The following VAMP3 variants were observed in gnomAD, a reference collection of about 807,000 sequenced individuals.
VAMP3 encodes vesicle-associated membrane protein 3.
Under a neutral mutation model 18.1 loss-of-function variants are expected in VAMP3, and 11 were observed. The observed-to-expected ratio is 0.61, with a 90% CI of 0.38 to 1.00. The LOEUF (loss-of-function observed/expected upper bound fraction) is 1.00, where lower values mean the gene tolerates loss of function less well. Among genes scored for constraint, VAMP3 ranks in the 50% least tolerant of loss-of-function variants. VAMP3 has a pLI of 0.01. For synonymous variants in VAMP3, 49 were observed against 43.1 expected (o/e 1.14, Z -0.53); for missense variants, 122 against 127.3 (o/e 0.96, Z 0.20).
intron 1 of VAMP3, among the ~76,000 whole-genome samples, chr1:7,771,667 C>T (rs1430256441): frequency 1.3e-5 from 2 of 152,250 alleles, no homozygotes; most frequent in African/African-American, 4.8e-5. Flanking sequence ...CTCCTCGCCC[C>T]TTCCCTTTCT....
At chr1:7,777,496 A>G (rs914099881) in intron 3 of VAMP3, among the ~76,000 whole-genome samples, 178 bp downstream of exon 3, 54 of 152,158 alleles carry the variant, frequency 3.5e-4, no homozygotes, top group African/African-American at 1.3e-3. Flanking sequence ...CTAGCCCCAC[A>G]CTAGGAATCC....
Position 7,779,828 on chromosome 1 carries a change from C to A in VAMP3, c.*183C>A. The A allele has an allele frequency of 1.4e-6, 1 of 722,592 alleles. No individual in the cohort carries two copies. The highest frequency in any genetic ancestry group is 2.2e-6 in the Non-Finnish European group (1 of 445,910). 44.8% of individuals were successfully genotyped at this position (722,592 alleles called of 1,614,324 possible). On this transcript the variant is annotated 3_prime_UTR_variant, in exon 5 of 5. Coordinates refer to ENST00000054666, the MANE Select transcript of VAMP3 (RefSeq NM_004781.4). Reference sequence around the variant, plus strand: ...ATGCACTCCAAATTAGAAGGCCGGCCCCGTCCACATTTTGCACAGTGCCTT... The same window carrying A: ...ATGCACTCCAAATTAGAAGGCCGGCACCGTCCACATTTTGCACAGTGCCTT...
chr1:7,771,327 A>G lies in VAMP3; in HGVS notation c.-57A>G, dbSNP rs994992408. ...CCCATCTCCCTGGCCTCCGGTCCCA[A>G]CTTCGCTTCTCTGCTGACCCTCTCT... On this transcript the variant is annotated 5_prime_UTR_variant, in exon 1 of 5. Transcript: ENST00000054666. 3 of 1,591,882 alleles carry G rather than the reference A, an allele frequency of 1.9e-6. No homozygotes were observed. The highest frequency in any genetic ancestry group is 2.6e-6 in the Non-Finnish European group (3 of 1,171,876).
At position 7,781,364 on chromosome 1, in the gene VAMP3, C is replaced by G. The variant is rs1028548658; in HGVS notation, c.*1719C>G. ...CCTGCATTAACCCAGAAATACCTCGCTTCTATCTGTGCACTTAGCTGGGAA... is the reference window on the plus strand; with the variant it reads ...CCTGCATTAACCCAGAAATACCTCGGTTCTATCTGTGCACTTAGCTGGGAA... On this transcript the variant is annotated 3_prime_UTR_variant, in exon 5 of 5. Transcript: ENST00000054666. The G allele has an allele frequency of 6.5e-6, 1 of 152,722 alleles. No individual in the cohort carries two copies. The highest frequency in any genetic ancestry group is 1.5e-5 in the Non-Finnish European group (1 of 68,124). 9.5% of individuals were successfully genotyped at this position (152,722 alleles called of 1,614,324 possible). A position where few individuals can be genotyped will look rare whatever the true frequency, so the allele number is the denominator to read the frequency against.
intron 1 of VAMP3, among the ~76,000 whole-genome samples, chr1:7,772,550 C>G (rs1041079380): frequency 6.6e-6 from 1 of 152,204 alleles, no homozygotes; most frequent in African/African-American, 2.4e-5. Flanking sequence ...TAAGAAAGAT[C>G]TGCATGGGGA....
Position 7,777,303 on chromosome 1 carries a change from G to C in VAMP3, c.216G>C (p.Trp72Cys). ...TSAAKLKRKY[W>C]WKNCKMWAIG... is the part of the protein sequence containing the mutation. ...CAGCCAAGTTGAAGAGGAAATATTGGTGGAAGAATTGCAAGGTAATTATCT... is the reference window on the plus strand; with the variant it reads ...CAGCCAAGTTGAAGAGGAAATATTGCTGGAAGAATTGCAAGGTAATTATCT... Residue 72 changes from tryptophan (W) to cysteine (C), a missense_variant, in exon 3 of 5, where the codon TGG becomes TGC. Transcript: ENST00000054666. 5.0e-6 allele frequency: 8 copies of C among 1,611,916 alleles called. No homozygotes were observed. Among genetic ancestry groups the C allele is most frequent in the Non-Finnish European group, 6.8e-6 (8 of 1,179,004 alleles).
At chr1:7,771,459 CCA>C (rs2097050577) in intron 1 of VAMP3, 74 bp downstream of exon 1, 1 of 1,423,130 alleles carries the variant, frequency 7.0e-7, no homozygotes, top group African/African-American at 1.5e-5. Flanking sequence ...GCCATACTGC[CCA>C]GTTGCCGCCG....
In VAMP3 at chr1:7,780,766, C is replaced by A. The variant is rs1577567460; in HGVS notation, c.*1121C>A. ...ACATTCTGCTTCCTAAATCAGTTTT[C>A]TAAATTATGCCTGCAATTAGGCATT... On this transcript the variant is annotated 3_prime_UTR_variant, in exon 5 of 5. Transcript: ENST00000054666. 7 of 152,360 alleles carry A rather than the reference C, an allele frequency of 4.6e-5. No homozygotes were observed. The allele number at this position is 152,360 out of a possible 1,614,324, so 9.4% of individuals were successfully genotyped here. A position where few individuals can be genotyped will look rare whatever the true frequency, so the allele number is the denominator to read the frequency against.
At chr1:7,777,086 C>T (rs758529051) in intron 2 of VAMP3, 74 bp from the exon 3 acceptor site, 68 of 1,510,772 alleles carry the variant, frequency 4.5e-5, no homozygotes, top group Non-Finnish European at 5.8e-5. Flanking sequence ...GCTAGGATTA[C>T]AGGCGTGAGC....
chr1:7,779,087 G>C (rs1340778106), intron 4 of VAMP3, among the ~76,000 whole-genome samples: 1 of 151,986 alleles, frequency 6.6e-6, no homozygotes, highest in African/African-American at 2.4e-5. Flanking sequence ...CCCAGCTACT[G>C]GGGAGGCTGA....
intron 2 of VAMP3, 171 bp from the exon 3 acceptor site, chr1:7,776,989 A>T: frequency 1.8e-6 from 1 of 548,168 alleles, no homozygotes; most frequent in African/African-American, 1.9e-5. Flanking sequence ...TTATGTTTTT[A>T]GTACTGAGAC....
At chr1:7,771,744 G>C (rs375837054) in intron 1 of VAMP3, among the ~76,000 whole-genome samples, 4 of 152,240 alleles carry the variant, frequency 2.6e-5, no homozygotes, top group Non-Finnish European at 4.4e-5. Flanking sequence ...CTCTCGGCCC[G>C]GTGCTGCGCT....
At chr1:7,775,328 CATTTTTTTT>C (rs933342743) in intron 2 of VAMP3, among the ~76,000 whole-genome samples, 7 of 151,830 alleles carry the variant, frequency 4.6e-5, no homozygotes, top group East Asian at 1.9e-4. Context: ...TTGTCTTTTA[CATTTTTTTT>C]ATTTTTTTTA....
intron 3 of VAMP3, 47 bp downstream of exon 3, chr1:7,777,365 T>C (rs1481693581): frequency 6.4e-7 from 1 of 1,571,008 alleles, no homozygotes. Context: ...CCTTCTCCAT[T>C]CTCAGAGAAT....
intron 4 of VAMP3, among the ~76,000 whole-genome samples, 187 bp downstream of exon 4, chr1:7,778,356 T>C (rs2097055362): frequency 6.6e-6 from 1 of 152,058 alleles, no homozygotes; most frequent in African/African-American, 2.4e-5. Context: ...CTGGGCAACA[T>C]AGCGTCTCTA....
chr1:7,773,206 C>A, intron 1 of VAMP3: 2 of 508,974 alleles, frequency 3.9e-6, no homozygotes, highest in South Asian at 2.7e-5. Flanking sequence ...AAAGTAGGTC[C>A]TATTAAAGCT....
At chr1:7,775,560 G>A (rs755561071) in intron 2 of VAMP3, among the ~76,000 whole-genome samples, 4 of 152,122 alleles carry the variant, frequency 2.6e-5, no homozygotes, top group Non-Finnish European at 5.9e-5. Context: ...TTTTGGTCAG[G>A]CTGGTCTCAA....
rs57351330 is a variant in VAMP3 at position 7,778,138 on chromosome 1, T to A, written c.252T>A (p.Thr84=). Residue 84 remains threonine, a synonymous_variant, in exon 4 of 5, where the codon ACT becomes ACA. Transcript: ENST00000054666. ...TACAGATGTGGGCAATCGGGATTAC[T>A]GTTCTGGTTATCTTCATCATCATCA... ...KNCKMWAIGI[T]VLVIFIIIII... is the part of the protein sequence containing the mutation. The A allele has an allele frequency of 6.2e-7, 1 of 1,614,246 alleles. No homozygotes were observed. The highest frequency in any genetic ancestry group is 2.2e-5 in the East Asian group (1 of 44,890).
Position 7,780,605 on chromosome 1 carries a change from G to C in VAMP3, c.*960G>C, listed in dbSNP as rs2097056624. 1 of 152,344 alleles carries C rather than the reference G, an allele frequency of 6.6e-6. No individual in the cohort carries two copies. The highest frequency in any genetic ancestry group is 1.9e-4 in the East Asian group (1 of 5,336). 9.4% of individuals were successfully genotyped at this position (152,344 alleles called of 1,614,324 possible). A position where few individuals can be genotyped will look rare whatever the true frequency, so the allele number is the denominator to read the frequency against. On this transcript the variant is annotated 3_prime_UTR_variant, in exon 5 of 5. Transcript: ENST00000054666. ...AGCAGTTGGCAGATTATCAGCTGTG[G>C]ACTCCAGCATGTTTCTGATAATTAT...
Sources: gnomAD v4.1 joint callset for allele counts (sites outside exome capture counted in the v4.1 genomes callset) on GRCh38, gnomAD v4.1.1 for gene constraint, MANE v1.5 for transcripts, NCBI Gene and HGNC (gene_info 2026-07-23, HGNC 2026-07-21) for gene names.